GPC5: variants seen among roughly 807,000 people sequenced by gnomAD.
GPC5 encodes glypican-5.
In GPC5, 47 loss-of-function variants were observed where a neutral mutation model predicts 53.9. The observed-to-expected ratio is 0.87, with a 90% CI of 0.69 to 1.11. The LOEUF (loss-of-function observed/expected upper bound fraction) is 1.11, where lower values mean the gene tolerates loss of function less well. Ranked by LOEUF, GPC5 falls within the 50% of genes most tolerant of loss-of-function variation. The pLI is 0.00. For missense variants in GPC5, 748 were observed against 713.1 expected, an observed-to-expected ratio of 1.05 and a Z score of -0.56; for synonymous variants, 286 against 263.3, an observed-to-expected ratio of 1.09 and a Z score of -0.84.
intron 7 of GPC5, among the ~76,000 whole-genome samples, chr13:92,191,717 T>C (rs1044707630): frequency 2.6e-5 from 4 of 152,082 alleles, no homozygotes; most frequent in Admixed American, 6.6e-5. Flanking sequence ...TGAGAAGACA[T>C]GGGGGAATAT....
chr13:91,757,619 A>G (rs1257157483), intron 5 of GPC5, among the ~76,000 whole-genome samples: 1 of 152,130 alleles, frequency 6.6e-6, no homozygotes, highest in Admixed American at 6.6e-5. Context: ...TGCTGCTGCC[A>G]TGTGAAGAAG....
intron 5 of GPC5, among the ~76,000 whole-genome samples, chr13:91,905,602 T>G (rs1485380561): frequency 6.6e-6 from 1 of 152,088 alleles, no homozygotes; most frequent in African/African-American, 2.4e-5. Context: ...TTGATCCACT[T>G]CTTAAAACTG....
At chr13:91,878,713 G>A (rs2039231436) in intron 5 of GPC5, among the ~76,000 whole-genome samples, 2 of 152,132 alleles carry the variant, frequency 1.3e-5, no homozygotes, top group South Asian at 4.1e-4. Context: ...ATCATGTGAA[G>A]AGGGACATGT....
chr13:92,027,557 T>C (rs2138800768), intron 6 of GPC5, among the ~76,000 whole-genome samples: 1 of 152,336 alleles, frequency 6.6e-6, no homozygotes, highest in Middle Eastern at 3.4e-3. Flanking sequence ...TATCGTATTA[T>C]CTAACTTCAT....
intron 6 of GPC5, among the ~76,000 whole-genome samples, chr13:91,943,278 A>G (rs946445944): frequency 6.6e-6 from 1 of 152,154 alleles, no homozygotes; most frequent in African/African-American, 2.4e-5. Context: ...TGTCAGTTAA[A>G]TGAGTGTTAT....
At chr13:91,709,703 G>C (rs1487298760) in intron 3 of GPC5, among the ~76,000 whole-genome samples, 3 of 152,130 alleles carry the variant, frequency 2.0e-5, no homozygotes, top group Admixed American at 2.0e-4. Context: ...ATTTTATATT[G>C]ATTTGCAGAT....
At chr13:92,515,361 A>G (rs1880731375) in intron 7 of GPC5, among the ~76,000 whole-genome samples, 1 of 152,184 alleles carries the variant, frequency 6.6e-6, no homozygotes, top group African/African-American at 2.4e-5. Context: ...AGATACCTGG[A>G]AGACTGAAGA....
chr13:91,502,724 G>A (rs1056528694), intron 2 of GPC5, among the ~76,000 whole-genome samples: 1 of 152,190 alleles, frequency 6.6e-6, no homozygotes, highest in African/African-American at 2.4e-5. Context: ...AATGCATGGA[G>A]CCTTTATAGC....
intron 2 of GPC5, among the ~76,000 whole-genome samples, chr13:91,503,104 T>G (rs1884736543): frequency 6.6e-6 from 1 of 152,138 alleles, no homozygotes; most frequent in African/African-American, 2.4e-5. Context: ...ATATTTACTA[T>G]GCATGCTTCA....
intron 7 of GPC5, among the ~76,000 whole-genome samples, chr13:92,640,328 C>T (rs558794944): frequency 1.1e-4 from 17 of 151,996 alleles, no homozygotes; most frequent in Non-Finnish European, 1.8e-4. Flanking sequence ...GGCGCGATCT[C>T]GGCTCACTGC....
intron 1 of GPC5, among the ~76,000 whole-genome samples, chr13:91,401,714 C>T (rs2138741483): frequency 6.6e-6 from 1 of 152,216 alleles, no homozygotes; most frequent in East Asian, 1.9e-4. Context: ...ACCTTTGTGA[C>T]TTTTACTTTT....
chr13:92,467,307 G>A (rs570182613), intron 7 of GPC5, among the ~76,000 whole-genome samples: 2 of 152,134 alleles, frequency 1.3e-5, no homozygotes, highest in Non-Finnish European at 1.5e-5. Context: ...TCCGTCTTAA[G>A]AAAGTAAGTA....
intron 5 of GPC5, among the ~76,000 whole-genome samples, chr13:91,824,004 A>C (rs1349311114): frequency 6.6e-6 from 1 of 152,090 alleles, no homozygotes; most frequent in African/African-American, 2.4e-5. Flanking sequence ...ATTCTTCAGG[A>C]CTGCTTGAAA....
chr13:92,090,245 T>TA (rs2041369358), intron 6 of GPC5, among the ~76,000 whole-genome samples: 1 of 152,182 alleles, frequency 6.6e-6, no homozygotes, highest in Non-Finnish European at 1.5e-5. Flanking sequence ...TATATTGCCA[T>TA]TTTTGAAAAC....
rs530550280 is a variant in GPC5 at position 91,843,706 on chromosome 13, G to A, written c.1281-64231G>A. The stretch of plus-strand genomic sequence containing the variant: ...TGGCTGTATGAAGAGTAGGTGGCTG[G>A]CCCAGCAGATTGGAGGAAGGGAGAT... On this transcript the variant is annotated intron_variant, in intron 5 of 7. Transcript: ENST00000377067. 2.6e-5 allele frequency among the ~76,000 whole-genome samples: 4 copies of A among 152,272 alleles called. No homozygotes were observed. The South Asian group carries it at 8.3e-4, about 32-fold the overall frequency.
chr13:91,980,938 T>G (rs551675455), intron 6 of GPC5, among the ~76,000 whole-genome samples: 102 of 152,362 alleles, frequency 6.7e-4, no homozygotes, highest in African/African-American at 2.4e-3. Flanking sequence ...AGTTTTATTC[T>G]TTTTCACTTC....
chr13:91,648,380 G>A (rs1177958914), intron 2 of GPC5, among the ~76,000 whole-genome samples: 1 of 151,800 alleles, frequency 6.6e-6, no homozygotes, highest in African/African-American at 2.4e-5. Flanking sequence ...CTGGAGTGGA[G>A]AAGTGAATTA....
At chr13:92,333,059 G>T (rs149587373) in intron 7 of GPC5, among the ~76,000 whole-genome samples, 1 of 152,164 alleles carries the variant, frequency 6.6e-6, no homozygotes, top group African/African-American at 2.4e-5. Context: ...AGTCTCACCA[G>T]TGAAAACCTT....
intron 7 of GPC5, among the ~76,000 whole-genome samples, chr13:92,253,107 C>T (rs1405357253): frequency 6.6e-6 from 1 of 151,882 alleles, no homozygotes; most frequent in Non-Finnish European, 1.5e-5. Context: ...AGTATTTTGC[C>T]AGTTTCTGAA....
Sources: gnomAD v4.1 joint callset for allele counts (sites outside exome capture counted in the v4.1 genomes callset) on GRCh38, gnomAD v4.1.1 for gene constraint, MANE v1.5 for transcripts, NCBI Gene and HGNC (gene_info 2026-07-23, HGNC 2026-07-21) for gene names.